Variants in SCN11A observed in about 807,000 individuals in gnomAD.
The protein encoded by SCN11A is sodium voltage-gated channel alpha subunit 11, also known as sodium channel protein type 11 subunit alpha.
SCN11A carries 122 observed loss-of-function variants against 162.2 expected under a neutral mutation model. The ratio of observed to expected loss-of-function variants is 0.75; its 90% CI spans 0.65 to 0.87. The LOEUF is 0.87. SCN11A is among the 40% of genes least tolerant of loss of function. The pLI is 0.00. For synonymous variants in SCN11A, 758 were observed against 751.5 expected, an observed-to-expected ratio of 1.01 and a Z score of -0.14; for missense variants, 2,015 against 2,181.6, an observed-to-expected ratio of 0.92 and a Z score of 1.52.
rs2065341846 is a variant in SCN11A, at chr3:38,883,336, C to G, written c.3116G>C (p.Trp1039Ser). The G allele has an allele frequency of 6.2e-7, 1 of 1,614,056 alleles. No homozygotes were observed. The highest frequency in any genetic ancestry group is 1.1e-5 in the South Asian group (1 of 91,078). ...TTTCCGCAGGTTCCACCAAATGACC[C>G]AGGGAGGCTTTCTCTTGTCCACGCT... ...CCSVDKRKPPWVIWWNLRKTC... is the reference protein window; with the variant it reads ...CCSVDKRKPPSVIWWNLRKTC... Residue 1039 changes from tryptophan to serine, a missense_variant, in exon 22 of 30, where the codon TGG becomes TCG. Coordinates refer to ENST00000302328, the MANE Select transcript of SCN11A (RefSeq NM_001349253.2).
intron 5 of SCN11A, among the ~76,000 whole-genome samples, chr3:38,949,807 T>G (rs897372430): frequency 1.3e-5 from 2 of 152,194 alleles, no homozygotes; most frequent in Non-Finnish European, 2.9e-5. Context: ...GGACTACTAG[T>G]CCAGTCCTCT....
chr3:39,010,378 CTTTTTTCTT>C (rs1425926618), intron 2 of SCN11A, among the ~76,000 whole-genome samples: 1 of 120,752 alleles, frequency 8.3e-6, no homozygotes, highest in Non-Finnish European at 1.6e-5. Flanking sequence ...TTTAGTTTTT[CTTTTTTCTT>C]TTTTTTTTTT....
At chr3:38,963,235 A>G (rs1337090241) in intron 2 of SCN11A, among the ~76,000 whole-genome samples, 1 of 150,532 alleles carries the variant, frequency 6.6e-6, no homozygotes, top group Non-Finnish European at 1.5e-5. Flanking sequence ...TTATTAAAAA[A>G]AAAAATAATC....
intron 2 of SCN11A, among the ~76,000 whole-genome samples, chr3:39,028,285 C>T (rs1042891357): frequency 6.6e-6 from 1 of 152,160 alleles, no homozygotes; most frequent in African/African-American, 2.4e-5. Context: ...ATCCCCTTGG[C>T]GGAGAAGGGA....
At position 38,902,377 on chromosome 3, in the gene SCN11A, T is replaced by C. The variant is rs2065715577; in HGVS notation, c.1842+1488A>G. Among the ~76,000 whole-genome samples the C allele has an allele frequency of 3.3e-5, 5 of 152,246 alleles. 1 individual carries two copies. In the South Asian group the frequency reaches 8.3e-4, roughly 25 times the overall value. ...AAAGCATTTATTCCCAAAGGCAGCA[T>C]GGAGAAAGGAATTTATGTGCTATGT... On this transcript the variant is annotated intron_variant, in intron 16 of 29. Coordinates refer to ENST00000302328, the MANE Select transcript of SCN11A (RefSeq NM_001349253.2).
chr3:39,002,559 G>A (rs1449180069), intron 2 of SCN11A, among the ~76,000 whole-genome samples: 2 of 152,188 alleles, frequency 1.3e-5, no homozygotes, highest in Non-Finnish European at 2.9e-5. Context: ...AACCATGGAG[G>A]CTCCAACTGA....
intron 23 of SCN11A, among the ~76,000 whole-genome samples, chr3:38,878,835 G>A (rs1051382387): frequency 6.6e-6 from 1 of 152,066 alleles, no homozygotes; most frequent in Non-Finnish European, 1.5e-5. Flanking sequence ...TGGTTCTCCA[G>A]TGGGGTTTCC....
chr3:38,897,001 C>T lies in SCN11A; in HGVS notation c.2247G>A (p.Trp749Ter), dbSNP rs1553637509. The change falls in exon 18 of 30, where the codon TGG becomes TGA. Residue 749 changes from tryptophan (W) to a stop codon, truncating the protein, a stop_gained. Transcript: ENST00000302328. LOFTEE classifies it high-confidence loss of function. ...AGGAGTGCCAGAAATCCCCCATGTG[C>T]CAGTGCCGTAAACATGAGACTGTCG... ...TGPTVSCLRHWHMGDFWHSFL... is the reference protein window; with the variant it reads ...TGPTVSCLRH 6.2e-7 allele frequency: 1 copy of T among 1,614,084 alleles called. No individual in the cohort carries two copies. The highest frequency in any genetic ancestry group is 8.5e-7 in the Non-Finnish European group (1 of 1,180,014).
chr3:39,051,915 A>G lies in SCN11A; in HGVS notation c.-458T>C. ...ACTAACAGCACCGAGGAAACACAACAGCCTGTTTACCTTCAGCCCCGCCAC... is the reference window on the plus strand; with the variant it reads ...ACTAACAGCACCGAGGAAACACAACGGCCTGTTTACCTTCAGCCCCGCCAC... On this transcript the variant is annotated 5_prime_UTR_variant, in exon 1 of 30. Coordinates refer to ENST00000302328, the MANE Select transcript of SCN11A (RefSeq NM_001349253.2). The G allele has an allele frequency of 7.4e-7, 1 of 1,348,082 alleles. No individual in the cohort carries two copies. 83.5% of individuals were successfully genotyped at this position (1,348,082 alleles called of 1,614,324 possible).
At chr3:38,988,474 C>A (rs1035407888) in intron 2 of SCN11A, among the ~76,000 whole-genome samples, 1 of 152,126 alleles carries the variant, frequency 6.6e-6, no homozygotes, top group African/African-American at 2.4e-5. Flanking sequence ...CCTCCACACA[C>A]CTTGCAGTCT....
At chr3:38,935,982 C>G (rs1263427769) in intron 7 of SCN11A, among the ~76,000 whole-genome samples, 2 of 152,194 alleles carry the variant, frequency 1.3e-5, no homozygotes, top group East Asian at 1.9e-4. Flanking sequence ...AAAATACTGA[C>G]AAACTGAGTC....
chr3:38,892,016 A>C (rs1050415688), intron 19 of SCN11A, among the ~76,000 whole-genome samples: 1 of 152,214 alleles, frequency 6.6e-6, no homozygotes, highest in African/African-American at 2.4e-5. Context: ...AGAAAAGAGA[A>C]AATCTTGAAA....
chr3:38,970,704 C>G (rs1456356217), intron 2 of SCN11A, among the ~76,000 whole-genome samples: 1 of 152,174 alleles, frequency 6.6e-6, no homozygotes, highest in Admixed American at 6.5e-5. Flanking sequence ...GATTGTTAGC[C>G]TCTAGGCTCC....
chr3:38,950,057 A>AG, intron 5 of SCN11A, 39 bp downstream of exon 5: 1 of 100,340 alleles, frequency 1.0e-5, no homozygotes, highest in Middle Eastern at 3.3e-3. Context: ...TGGTTAGAAC[A>AG]CCCCCACCCC....
chr3:38,899,008 C>T (rs539629352), intron 17 of SCN11A, among the ~76,000 whole-genome samples: 1 of 152,038 alleles, frequency 6.6e-6, no homozygotes, highest in Non-Finnish European at 1.5e-5. Flanking sequence ...TGACTTTGAG[C>T]AGTGTAACCT....
At chr3:38,993,190 G>T (rs2030507087) in intron 2 of SCN11A, among the ~76,000 whole-genome samples, 1 of 152,208 alleles carries the variant, frequency 6.6e-6, no homozygotes, top group Non-Finnish European at 1.5e-5. Flanking sequence ...CCTCTGGGGT[G>T]GCCATGGGAG....
In SCN11A at chr3:38,992,726, T is replaced by C. The variant is rs117430282; in HGVS notation, c.-279-32303A>G. ...CCCGGAAGGTGGCATGGTCACCATA[T>C]TACAGATTAGGAAACCAATGCACAG... On this transcript the variant is annotated intron_variant, in intron 2 of 29. Coordinates refer to ENST00000302328, the MANE Select transcript of SCN11A (RefSeq NM_001349253.2). Among the ~76,000 whole-genome samples, 49 of 152,356 alleles carry C rather than the reference T, an allele frequency of 3.2e-4. No individual in the cohort carries two copies. In the East Asian group the frequency reaches 8.9e-3, roughly 28 times the overall value.
At chr3:38,963,352 GATAT>G (rs377651422) in intron 2 of SCN11A, among the ~76,000 whole-genome samples, 565 of 38,248 alleles carry the variant, frequency 0.015, 15 homozygotes, top group East Asian at 0.032. Flanking sequence ...CTATTTGATG[GATAT>G]ATATATATAT....
chr3:38,909,123 CA>C lies in SCN11A; in HGVS notation c.1172del (p.Leu391ArgfsTer4). 1.2e-6 allele frequency: 2 copies of C among 1,614,072 alleles called. No individual in the cohort carries two copies. Among genetic ancestry groups the C allele is most frequent in the East Asian group, 2.2e-5 (1 of 44,874 alleles). On this transcript the variant is annotated frameshift_variant, in exon 13 of 30. Coordinates refer to ENST00000302328, the MANE Select transcript of SCN11A (RefSeq NM_001349253.2). LOFTEE classifies it high-confidence loss of function. The part of the protein sequence containing the change: ...IVVIFLGSFY[L>X]INLTLAVVTM... ...TAACAACAGCCAGGGTTAAGTTAAT[CA>C]GGTAGAAGGAGCCCAGGAAAATGAC...
Sources: allele counts gnomAD v4.1 joint callset (sites outside exome capture counted in the v4.1 genomes callset), GRCh38; gene constraint gnomAD v4.1.1; transcripts MANE v1.5; gene names NCBI Gene and HGNC (gene_info 2026-07-23, HGNC 2026-07-21).